The following IPO11 variants were observed in gnomAD, a reference collection of about 807,000 sequenced individuals.
IPO11 encodes the protein importin 11.
Under a neutral mutation model 143.2 loss-of-function variants are expected in IPO11, and 66 were observed. That is an observed-to-expected ratio of 0.46 (90% CI 0.38 to 0.57). The LOEUF (loss-of-function observed/expected upper bound fraction) is 0.57, where lower values mean the gene tolerates loss of function less well. Ranked by LOEUF, IPO11 falls within the 20% of genes least tolerant of loss-of-function variation. The probability of loss-of-function intolerance (pLI) is 0.00; values close to 1 mark genes in which losing one functional copy is unlikely to be tolerated. For missense variants in IPO11, 1,026 were observed against 1,141.0 expected (o/e 0.90, Z 1.45); for synonymous variants, 385 against 377.8 (o/e 1.02, Z -0.22).
intron 29 of IPO11, among the ~76,000 whole-genome samples, chr5:62,619,433 C>T (rs1352500900): frequency 6.6e-6 from 1 of 151,898 alleles, no homozygotes; most frequent in African/African-American, 2.4e-5. Flanking sequence ...AAAATAGATG[C>T]AAAAAATGTA....
intron 6 of IPO11, 66 bp from the exon 7 acceptor site, chr5:62,470,184 T>C: frequency 6.8e-7 from 1 of 1,478,290 alleles, no homozygotes; most frequent in African/African-American, 1.4e-5. Context: ...ATTCTGAATC[T>C]TTCTTGTGAT....
rs1197815819 is a variant in IPO11, at chr5:62,412,925, A to G, written c.-11A>G. 1 of 152,742 alleles carries G rather than the reference A, an allele frequency of 6.5e-6. No individual in the cohort carries two copies. The highest frequency in any genetic ancestry group is 1.9e-4 in the East Asian group (1 of 5,196). The allele number at this position is 152,742 out of a possible 1,614,324, so 9.5% of individuals were successfully genotyped here. Reference sequence around the variant, plus strand: ...GGGCCGGGCAATTCCCGACCGAACCAAACGGTGAGGCCCCGGCCCGAGAGC... The same window carrying G: ...GGGCCGGGCAATTCCCGACCGAACCGAACGGTGAGGCCCCGGCCCGAGAGC... On this transcript the variant is annotated 5_prime_UTR_variant, in exon 1 of 30. Coordinates refer to ENST00000325324, the MANE Select transcript of IPO11 (RefSeq NM_016338.5).
intron 20 of IPO11, among the ~76,000 whole-genome samples, chr5:62,523,809 G>A (rs970249022): frequency 6.6e-6 from 1 of 152,142 alleles, no homozygotes; most frequent in African/African-American, 2.4e-5. Flanking sequence ...GAGAGTTGTT[G>A]TAGATATGAT....
rs1456213049 is a variant in IPO11 at position 62,536,685 on chromosome 5, AT to A, written c.2090-14del. 9 of 1,574,374 alleles carry A rather than the reference AT, an allele frequency of 5.7e-6. No homozygotes were observed. The highest frequency in any genetic ancestry group is 7.7e-6 in the Non-Finnish European group (9 of 1,167,156). ...GAATTAATTTGGTTTTTTGTTTGAC[AT>A]TTATTGTTTTGGCAGAACTAAGTTC... is the stretch of plus-strand genomic sequence containing the variant. On this transcript the variant is annotated splice_polypyrimidine_tract_variant and intron_variant, in intron 22 of 29. Transcript: ENST00000325324.
At chr5:62,462,242 C>T (rs1199130525) in intron 5 of IPO11, among the ~76,000 whole-genome samples, 1 of 151,988 alleles carries the variant, frequency 6.6e-6, no homozygotes, top group Non-Finnish European at 1.5e-5. Flanking sequence ...TTTTATGGAA[C>T]AGAATAGAAT....
intron 28 of IPO11, among the ~76,000 whole-genome samples, chr5:62,595,056 C>T (rs1044976243): frequency 6.6e-5 from 10 of 152,116 alleles, no homozygotes; most frequent in African/African-American, 2.4e-4. Context: ...GATGCTGGTG[C>T]GTGGTCTCAG....
At chr5:62,516,336 C>T (rs1451512889) in intron 20 of IPO11, among the ~76,000 whole-genome samples, 1 of 152,038 alleles carries the variant, frequency 6.6e-6, no homozygotes, top group Non-Finnish European at 1.5e-5. Flanking sequence ...CTCTGTTGCA[C>T]AGGCTGGAGC....
chr5:62,497,871 G>T (rs1741211196), intron 16 of IPO11, among the ~76,000 whole-genome samples: 1 of 152,114 alleles, frequency 6.6e-6, no homozygotes, highest in Admixed American at 6.5e-5. Context: ...AATAAGGATG[G>T]CAATACTACA....
At chr5:62,494,186 A>C (rs778498164) in intron 16 of IPO11, 62 bp downstream of exon 16, 451 of 1,420,210 alleles carry the variant, frequency 3.2e-4, no homozygotes, top group Non-Finnish European at 4.2e-4. Flanking sequence ...CAAATCATCA[A>C]GTTCACAACA....
At chr5:62,427,063 G>A (rs1052660994) in intron 1 of IPO11, among the ~76,000 whole-genome samples, 12 of 148,278 alleles carry the variant, frequency 8.1e-5, no homozygotes, top group East Asian at 2.1e-4. Context: ...TTAGCCTCCC[G>A]AGTAGCTGGG....
chr5:62,557,892 G>T (rs1743632050), intron 26 of IPO11, among the ~76,000 whole-genome samples: 1 of 152,124 alleles, frequency 6.6e-6, no homozygotes, highest in Non-Finnish European at 1.5e-5. Flanking sequence ...TCTCTTCTCT[G>T]CCTTCTCTCC....
intron 7 of IPO11, among the ~76,000 whole-genome samples, chr5:62,472,903 C>T (rs1223788930): frequency 1.3e-5 from 2 of 152,068 alleles, no homozygotes; most frequent in Non-Finnish European, 2.9e-5. Context: ...GATTCTGGGC[C>T]CTGAAGGCAG....
chr5:62,625,919 A>G (rs1379846144), intron 29 of IPO11, among the ~76,000 whole-genome samples: 1 of 152,252 alleles, frequency 6.6e-6, no homozygotes, highest in African/African-American at 2.4e-5. Flanking sequence ...TTAATTTGGA[A>G]TACTTTTAGG....
At chr5:62,416,203 A>T (rs1580150161) in intron 1 of IPO11, among the ~76,000 whole-genome samples, 1 of 121,242 alleles carries the variant, frequency 8.2e-6, no homozygotes, top group Admixed American at 9.8e-5. Flanking sequence ...TTTTTTTGAG[A>T]CGGAGCCTCG....
At chr5:62,593,139 C>A (rs1461586681) in intron 28 of IPO11, among the ~76,000 whole-genome samples, 1 of 151,188 alleles carries the variant, frequency 6.6e-6, no homozygotes, top group Non-Finnish European at 1.5e-5. Context: ...GCAGGGCACA[C>A]CAAACAGTAC....
At chr5:62,426,509 G>T (rs1334683147) in intron 1 of IPO11, among the ~76,000 whole-genome samples, 5 of 152,156 alleles carry the variant, frequency 3.3e-5, no homozygotes, top group African/African-American at 1.2e-4. Context: ...TACTTGATAT[G>T]TGCTTAACAA....
chr5:62,604,025 A>G (rs1745607764), intron 29 of IPO11, among the ~76,000 whole-genome samples: 1 of 152,188 alleles, frequency 6.6e-6, no homozygotes, highest in East Asian at 1.9e-4. Context: ...AATAGGTTAT[A>G]CCATGTAGCC....
In IPO11 at chr5:62,434,033, C is replaced by T. The variant is rs116183246; in HGVS notation, c.-6-3241C>T. 3.7e-3 allele frequency among the ~76,000 whole-genome samples: 558 copies of T among 152,180 alleles called. 9 individuals are homozygous for T. Among genetic ancestry groups the T allele is most frequent in the African/African-American group, 0.013 (525 of 41,524 alleles). On this transcript the variant is annotated intron_variant, in intron 1 of 29. Transcript: ENST00000325324. ...ATACCTATATGAAAAGCCTAGACACCTTATTTTGCCCCATTTGTTCCTGCC... is the reference window on the plus strand; with the variant it reads ...ATACCTATATGAAAAGCCTAGACACTTTATTTTGCCCCATTTGTTCCTGCC...
chr5:62,609,252 T>A (rs951797558), intron 29 of IPO11, among the ~76,000 whole-genome samples: 9 of 152,236 alleles, frequency 5.9e-5, no homozygotes, highest in African/African-American at 2.2e-4. Flanking sequence ...TTGGAAGTGA[T>A]GAGAGGCTAA....
Sources: gnomAD v4.1 joint callset for allele counts (sites outside exome capture counted in the v4.1 genomes callset) on GRCh38, gnomAD v4.1.1 for gene constraint, MANE v1.5 for transcripts, NCBI Gene and HGNC (gene_info 2026-07-23, HGNC 2026-07-21) for gene names.